GALNT14: variants seen among roughly 807,000 people sequenced by gnomAD.
GALNT14 encodes UDP-GalNAc:polypeptide N-acetylgalactosaminyltransferase 14.
In GALNT14, 60 loss-of-function variants were observed where a neutral mutation model predicts 77.5. That is an observed-to-expected ratio of 0.77 (90% CI 0.63 to 0.96). GALNT14 has a LOEUF of 0.96. GALNT14 is among the 40% of genes least tolerant of loss of function. The probability of loss-of-function intolerance (pLI) is 0.00; values close to 1 mark genes in which losing one functional copy is unlikely to be tolerated. For synonymous variants in GALNT14, 280 were observed against 281.7 expected (o/e 0.99, Z 0.06); for missense variants, 710 against 731.0 (o/e 0.97, Z 0.33).
intron 2 of GALNT14, among the ~76,000 whole-genome samples, chr2:30,990,484 G>A (rs760528931): frequency 1.4e-5 from 1 of 73,042 alleles, no homozygotes; most frequent in Non-Finnish European, 2.6e-5. Context: ...GGAAGTGTGA[G>A]ATGAGATCCT....
At chr2:30,934,406 C>T (rs1186716300) in intron 9 of GALNT14, among the ~76,000 whole-genome samples, 8 of 152,152 alleles carry the variant, frequency 5.3e-5, no homozygotes, top group East Asian at 1.9e-4. Flanking sequence ...AGTCCTTGCT[C>T]GCTAGATATA....
At position 31,094,978 on chromosome 2, in the gene GALNT14, G is replaced by T. The variant is rs185623614; in HGVS notation, c.129+42980C>A. Among the ~76,000 whole-genome samples, 129 of 152,268 alleles carry T rather than the reference G, an allele frequency of 8.5e-4. No individual in the cohort carries two copies. The South Asian group carries it at 0.016, about 19-fold the overall frequency. ...AAGATCAAAATCAGGAAGAGGCTAG[G>T]AGTTGACACCCAAGAATAACCACAA... On this transcript the variant is annotated intron_variant, in intron 1 of 14. Coordinates refer to ENST00000349752, the MANE Select transcript of GALNT14 (RefSeq NM_024572.4).
rs114577950 is a variant in GALNT14 at position 31,004,382 on chromosome 2, G to A, written c.130-11375C>T. Among the ~76,000 whole-genome samples the A allele has an allele frequency of 3.2e-3, 486 of 152,356 alleles. 1 individual carries two copies. The highest frequency in any genetic ancestry group is 0.01 in the African/African-American group (422 of 41,590). The stretch of plus-strand genomic sequence containing the variant: ...CACTGAGAACAGGAACCAGTACCCA[G>A]GAGAGTCCAAGGGGAGGGATTGGAT... On this transcript the variant is annotated intron_variant, in intron 1 of 14. Coordinates refer to ENST00000349752, the MANE Select transcript of GALNT14 (RefSeq NM_024572.4).
intron 1 of GALNT14, among the ~76,000 whole-genome samples, chr2:31,061,913 C>A (rs1674618130): frequency 6.6e-6 from 1 of 152,186 alleles, no homozygotes. Context: ...CCTACTGCTA[C>A]CATGAGCACT....
intron 13 of GALNT14, among the ~76,000 whole-genome samples, chr2:30,917,280 G>A (rs577185688): frequency 1.3e-5 from 2 of 152,190 alleles, no homozygotes; most frequent in African/African-American, 4.8e-5. Context: ...ATGGCTGGGT[G>A]AAGGAGTGTT....
chr2:31,077,805 C>T (rs1286463814), intron 1 of GALNT14, among the ~76,000 whole-genome samples: 7 of 152,324 alleles, frequency 4.6e-5, no homozygotes, highest in African/African-American at 1.2e-4. Context: ...GCAAGGTAGC[C>T]ACATCACTTC....
At chr2:31,133,154 T>C (rs1352838172) in intron 1 of GALNT14, among the ~76,000 whole-genome samples, 1 of 152,186 alleles carries the variant, frequency 6.6e-6, no homozygotes, top group Non-Finnish European at 1.5e-5. Flanking sequence ...GAGACTGATT[T>C]GAGTAATAAT....
chr2:31,027,344 G>C (rs1474597343), intron 1 of GALNT14, among the ~76,000 whole-genome samples: 1 of 151,438 alleles, frequency 6.6e-6, no homozygotes, highest in Non-Finnish European at 1.5e-5. Flanking sequence ...TTGTACCTGG[G>C]AGGCAGAGGT....
rs994415086 is a variant in GALNT14, at chr2:31,012,688, T to A, written c.130-19681A>T. ...TCAAGCAAGATGCAAAGGAACTGCA[T>A]GGCAATGATGCAAACATGCCCCTGT... is the stretch of plus-strand genomic sequence containing the variant. On this transcript the variant is annotated intron_variant, in intron 1 of 14. Coordinates refer to ENST00000349752, the MANE Select transcript of GALNT14 (RefSeq NM_024572.4). Among the ~76,000 whole-genome samples, 3 of 151,896 alleles carry A rather than the reference T, an allele frequency of 2.0e-5. No individual in the cohort carries two copies. In the East Asian group the frequency reaches 5.8e-4, roughly 29 times the overall value.
At position 31,131,259 on chromosome 2, in the gene GALNT14, T is replaced by C. The variant is rs572752033; in HGVS notation, c.129+6699A>G. Among the ~76,000 whole-genome samples, 200 of 152,290 alleles carry C rather than the reference T, an allele frequency of 1.3e-3. 7 individuals carry two copies. In the South Asian group the frequency reaches 0.04, roughly 30 times the overall value. On this transcript the variant is annotated intron_variant, in intron 1 of 14. Transcript: ENST00000349752. ...TATCTCCTGCCGCTTGTGTGCAGCA[T>C]GAGTCTCTGAGGACCCTGTGAGGAA...
chr2:30,899,796 A>T, the GALNT14 span, among the ~76,000 whole-genome samples: 1 of 152,220 alleles, frequency 6.6e-6, no homozygotes, highest in African/African-American at 2.4e-5. Context: ...GGAGTCTGCT[A>T]ATCCGAGTTG....
At chr2:30,928,830 G>A (rs10175136) in intron 11 of GALNT14, among the ~76,000 whole-genome samples, 1 of 151,848 alleles carries the variant, frequency 6.6e-6, no homozygotes, top group Non-Finnish European at 1.5e-5. Context: ...TTGGCCAGGC[G>A]GGTCTCAGAC....
intron 1 of GALNT14, among the ~76,000 whole-genome samples, chr2:31,097,597 T>C (rs1269706179): frequency 6.6e-6 from 1 of 152,142 alleles, no homozygotes; most frequent in Non-Finnish European, 1.5e-5. Context: ...AGGGTTTTTG[T>C]TACAGAGAAG....
chr2:30,898,818 G>A, the GALNT14 span, among the ~76,000 whole-genome samples: 1 of 152,140 alleles, frequency 6.6e-6, no homozygotes, highest in African/African-American at 2.4e-5. Context: ...GGAATCGAGA[G>A]GCAACCTTGG....
In GALNT14 at chr2:30,963,626, G is replaced by A. The variant is rs191120127; in HGVS notation, c.398+2578C>T. On this transcript the variant is annotated intron_variant, in intron 3 of 14. Transcript: ENST00000349752. Reference sequence around the variant, plus strand: ...CAAATGTCTGAGACATTCCCCAGAGGAACGTTTATTGTAGAAATGTGATAG... The same window carrying A: ...CAAATGTCTGAGACATTCCCCAGAGAAACGTTTATTGTAGAAATGTGATAG... Among the ~76,000 whole-genome samples the A allele has an allele frequency of 3.7e-3, 570 of 152,268 alleles. 6 individuals are homozygous for A. The highest frequency in any genetic ancestry group is 0.013 in the African/African-American group (550 of 41,536).
chr2:31,097,282 A>G (rs1473334028), intron 1 of GALNT14, among the ~76,000 whole-genome samples: 1 of 152,144 alleles, frequency 6.6e-6, no homozygotes, highest in African/African-American at 2.4e-5. Context: ...CACAGTGGAC[A>G]TTTGTTATCT....
In GALNT14 at chr2:31,133,975, C is replaced by T. The variant is rs186759013; in HGVS notation, c.129+3983G>A. ...ACTAAGAAAAAAGTCTAATAAATTTCCTTAAGCCAGGAGTGTAGCATGCCT... is the reference window on the plus strand; with the variant it reads ...ACTAAGAAAAAAGTCTAATAAATTTTCTTAAGCCAGGAGTGTAGCATGCCT... On this transcript the variant is annotated intron_variant, in intron 1 of 14. Coordinates refer to ENST00000349752, the MANE Select transcript of GALNT14 (RefSeq NM_024572.4). 3.9e-5 allele frequency among the ~76,000 whole-genome samples: 6 copies of T among 152,304 alleles called. No individual in the cohort carries two copies. The South Asian group carries it at 6.2e-4, about 16-fold the overall frequency.
chr2:30,978,085 G>A (rs139813119), intron 2 of GALNT14, among the ~76,000 whole-genome samples: 100 of 152,270 alleles, frequency 6.6e-4, no homozygotes, highest in African/African-American at 2.3e-3. Flanking sequence ...CCACCCTCGT[G>A]TTAGCTCTTC....
intron 1 of GALNT14, among the ~76,000 whole-genome samples, chr2:31,100,084 T>TTTATTTATTTGATAC (rs1486724291): frequency 6.6e-6 from 1 of 152,016 alleles, no homozygotes; most frequent in Admixed American, 6.6e-5. Flanking sequence ...ATTTTTTGTT[T>TTTATTTATTTGATAC]AAATTTATTA....
Sources: gnomAD v4.1 joint callset for allele counts (sites outside exome capture counted in the v4.1 genomes callset) on GRCh38, gnomAD v4.1.1 for gene constraint, MANE v1.5 for transcripts, NCBI Gene and HGNC (gene_info 2026-07-23, HGNC 2026-07-21) for gene names.